SLC25A26: variants seen among roughly 807,000 people sequenced by gnomAD.
The protein encoded by SLC25A26 is mitochondrial S-adenosylmethionine carrier protein.
SLC25A26 carries 36 observed loss-of-function variants against 37.8 expected under a neutral mutation model. The ratio of observed to expected loss-of-function variants is 0.95; its 90% CI spans 0.73 to 1.26. The LOEUF is 1.26. Among genes scored for constraint, SLC25A26 ranks in the 50% most tolerant of loss-of-function variants. The pLI is 0.00. For missense variants in SLC25A26, 390 were observed against 331.1 expected, an observed-to-expected ratio of 1.18 and a Z score of -1.38; for synonymous variants, 129 against 122.5, an observed-to-expected ratio of 1.05 and a Z score of -0.35.
chr3:66,363,303 G>C (rs2076754319), intron 7 of SLC25A26, among the ~76,000 whole-genome samples: 1 of 152,166 alleles, frequency 6.6e-6, no homozygotes, highest in South Asian at 2.1e-4. Flanking sequence ...GGGTTTAAGC[G>C]ATTTCTGCAG....
At chr3:66,305,922 G>A (rs1164894048) in intron 5 of SLC25A26, among the ~76,000 whole-genome samples, 1 of 152,134 alleles carries the variant, frequency 6.6e-6, no homozygotes, top group Non-Finnish European at 1.5e-5. Flanking sequence ...TTCACCAATA[G>A]CGTAAAAGCA....
intron 5 of SLC25A26, among the ~76,000 whole-genome samples, chr3:66,317,565 C>A (rs535186889): frequency 2.8e-4 from 43 of 152,268 alleles, no homozygotes; most frequent in African/African-American, 9.4e-4. Context: ...AGGCTTTTGT[C>A]AGGAGGTCTC....
chr3:66,347,989 A>G (rs1175933539), intron 6 of SLC25A26, among the ~76,000 whole-genome samples: 2 of 152,110 alleles, frequency 1.3e-5, no homozygotes, highest in Admixed American at 1.3e-4. Context: ...GTGCAGGGGG[A>G]AGGAGAGCAT....
intron 5 of SLC25A26, among the ~76,000 whole-genome samples, chr3:66,335,723 T>C (rs1423283280): frequency 1.3e-5 from 2 of 152,206 alleles, no homozygotes; most frequent in African/African-American, 4.8e-5. Context: ...GCCTGCCTTA[T>C]CAAGCTTACT....
At chr3:66,270,919 A>G (rs952068311) in intron 5 of SLC25A26, among the ~76,000 whole-genome samples, 2 of 152,148 alleles carry the variant, frequency 1.3e-5, no homozygotes, top group African/African-American at 4.8e-5. Flanking sequence ...GACAAATTTC[A>G]TTTACGCTGT....
chr3:66,297,549 C>T (rs192152841), intron 5 of SLC25A26, among the ~76,000 whole-genome samples: 4 of 152,284 alleles, frequency 2.6e-5, no homozygotes, highest in Admixed American at 1.3e-4. Flanking sequence ...TTGCCACTCG[C>T]TATCTTGTGC....
intron 5 of SLC25A26, among the ~76,000 whole-genome samples, chr3:66,265,048 C>G (rs549534593): frequency 2.0e-4 from 30 of 152,304 alleles, no homozygotes; most frequent in African/African-American, 4.8e-4. Context: ...CATGGTGACT[C>G]AAGCCTGTAA....
At chr3:66,244,046 A>T (rs1178550229) in intron 3 of SLC25A26, among the ~76,000 whole-genome samples, 1 of 152,098 alleles carries the variant, frequency 6.6e-6, no homozygotes, top group Non-Finnish European at 1.5e-5. Flanking sequence ...TTTGATTTCT[A>T]TCCCAACACT....
At chr3:66,275,987 G>A (rs782729) in intron 5 of SLC25A26, among the ~76,000 whole-genome samples, 78,660 of 151,812 alleles carry the variant, frequency 0.52, 22,243 homozygotes, top group African/African-American at 0.75. Context: ...AGTATTAAGA[G>A]ACTATATATG....
chr3:66,346,031 GA>G (rs1222897117), intron 5 of SLC25A26, among the ~76,000 whole-genome samples: 1 of 152,052 alleles, frequency 6.6e-6, no homozygotes, highest in African/African-American at 2.4e-5. Flanking sequence ...CATCTCTAAA[GA>G]AAATATACAA....
intron 1 of SLC25A26, among the ~76,000 whole-genome samples, chr3:66,235,658 A>G (rs1576677928): frequency 6.6e-6 from 1 of 152,242 alleles, no homozygotes; most frequent in African/African-American, 2.4e-5. Flanking sequence ...TAGTTAAGAC[A>G]ACAATATAAC....
intron 6 of SLC25A26, 129 bp downstream of exon 6, chr3:66,346,537 T>C: frequency 2.1e-6 from 1 of 474,002 alleles, no homozygotes; most frequent in Non-Finnish European, 3.7e-6. Context: ...GTTGAAAATA[T>C]ATTTTATGTG....
rs182233922 is a variant in SLC25A26, at chr3:66,232,361, A to T, written c.34-4183A>T. ...CTGTCTTTTGCTATTTTTGAAAAAA[A>T]TTCAGTGTACCTTTTTAAGGTTGAT... On this transcript the variant is annotated intron_variant, in intron 1 of 9. Transcript: ENST00000354883. 6.6e-4 allele frequency among the ~76,000 whole-genome samples: 100 copies of T among 152,208 alleles called. 1 individual carries two copies. The East Asian group carries it at 0.012, about 19-fold the overall frequency.
chr3:66,152,010 G>A (rs2070216234), intron 1 of SLC25A26, among the ~76,000 whole-genome samples: 1 of 152,212 alleles, frequency 6.6e-6, no homozygotes, highest in Admixed American at 6.5e-5. Context: ...TACTGAGTAT[G>A]TAACAGGGCA....
chr3:66,307,850 T>C (rs1199117783), intron 5 of SLC25A26, among the ~76,000 whole-genome samples: 1 of 152,144 alleles, frequency 6.6e-6, no homozygotes, highest in African/African-American at 2.4e-5. Flanking sequence ...TTCTGTTCCA[T>C]TGGTTTATGT....
At chr3:66,371,055 T>C in intron 9 of SLC25A26, 1 of 1,216,384 alleles carries the variant, frequency 8.2e-7, no homozygotes, top group Non-Finnish European at 1.1e-6. Context: ...TGAGAACCAT[T>C]GTGCTACAGA....
At chr3:66,238,492 C>T (rs782632869) in intron 2 of SLC25A26, among the ~76,000 whole-genome samples, 3 of 152,110 alleles carry the variant, frequency 2.0e-5, no homozygotes, top group Non-Finnish European at 4.4e-5. Context: ...AAGCAATTCT[C>T]CTGCTTCAGC....
chr3:66,266,493 G>A (rs1041640687), intron 5 of SLC25A26, among the ~76,000 whole-genome samples: 5 of 151,108 alleles, frequency 3.3e-5, no homozygotes, highest in Admixed American at 2.6e-4. Flanking sequence ...CCTAGCAGTT[G>A]CCCATTAGAA....
intron 1 of SLC25A26, among the ~76,000 whole-genome samples, chr3:66,175,300 T>C (rs1043095551): frequency 9.9e-5 from 15 of 151,988 alleles, no homozygotes; most frequent in African/African-American, 3.6e-4. Flanking sequence ...TCTTGGCTCA[T>C]TGAAACCTCC....
Sources: gnomAD v4.1 joint callset for allele counts (sites outside exome capture counted in the v4.1 genomes callset) on GRCh38, gnomAD v4.1.1 for gene constraint, MANE v1.5 for transcripts, NCBI Gene and HGNC (gene_info 2026-07-23, HGNC 2026-07-21) for gene names.